SKIL: variants seen among roughly 807,000 people sequenced by gnomAD.
SKIL encodes the protein ski-like protein.
In SKIL, 20 loss-of-function variants were observed where a neutral mutation model predicts 69.6. The ratio of observed to expected loss-of-function variants is 0.29; its 90% CI spans 0.20 to 0.42. SKIL has a LOEUF of 0.42. Ranked by LOEUF, SKIL falls within the 10% of genes least tolerant of loss-of-function variation. The pLI, the probability that SKIL is intolerant of heterozygous loss-of-function variation, is 1.00. For missense variants in SKIL, 745 were observed against 783.1 expected (o/e 0.95, Z 0.58); for synonymous variants, 310 against 279.9 (o/e 1.11, Z -1.08).
At chr3:170,384,511 T>G (rs1315711611) in intron 3 of SKIL, 22 bp from the exon 4 acceptor site, 3 of 1,124,986 alleles carry the variant, frequency 2.7e-6, no homozygotes, top group Non-Finnish European at 4.0e-6. Context: ...ATATGTCTTG[T>G]TTTGCTTTTA....
rs771731578 is a variant in SKIL at position 170,384,586 on chromosome 3, C to T, written c.1250C>T (p.Ser417Phe). ...KVVAPNVSLT[S>F]AVSQSKELTK... Reference sequence around the variant, plus strand: ...GTTGCCCCAAATGTGTCACTTACTTCTGCTGTATCCCAGTCTAAAGAGCTC... The same window carrying T: ...GTTGCCCCAAATGTGTCACTTACTTTTGCTGTATCCCAGTCTAAAGAGCTC... Residue 417 changes from serine to phenylalanine, a missense_variant, in exon 4 of 7, where the codon TCT (serine) becomes TTT (phenylalanine). Coordinates refer to ENST00000259119, the MANE Select transcript of SKIL (RefSeq NM_005414.5). The T allele has an allele frequency of 1.2e-6, 2 of 1,612,640 alleles. No individual in the cohort carries two copies. Among genetic ancestry groups the T allele is most frequent in the Admixed American group, 1.7e-5 (1 of 59,850 alleles).
intron 4 of SKIL, among the ~76,000 whole-genome samples, chr3:170,385,907 C>G (rs1298186107): frequency 6.6e-6 from 1 of 151,756 alleles, no homozygotes; most frequent in East Asian, 1.9e-4. Flanking sequence ...ATTCTCCTGC[C>G]TCAGCCTCCT....
At chr3:170,362,968 A>T (rs949385565) in intron 2 of SKIL, among the ~76,000 whole-genome samples, 6 of 151,404 alleles carry the variant, frequency 4.0e-5, no homozygotes, top group Non-Finnish European at 8.8e-5. Flanking sequence ...TAGTTTCTTG[A>T]TCGGGTTGTT....
At chr3:170,381,102 C>A in intron 2 of SKIL, 142 bp from the exon 3 acceptor site, 1 of 531,982 alleles carries the variant, frequency 1.9e-6, no homozygotes, top group Non-Finnish European at 3.5e-6. Flanking sequence ...GCTGGGAATA[C>A]AGGTGTGAAC....
intron 2 of SKIL, among the ~76,000 whole-genome samples, chr3:170,366,055 CTT>C (rs753671366): frequency 1.5e-4 from 19 of 128,254 alleles, no homozygotes; most frequent in African/African-American, 1.7e-4. Flanking sequence ...TGCGCCTGGC[CTT>C]TTTTTTTTTT....
intron 2 of SKIL, among the ~76,000 whole-genome samples, chr3:170,377,493 T>C (rs11923053): frequency 0.84 from 118,587 of 141,344 alleles, 50,014 homozygotes; most frequent in East Asian, 0.94. Context: ...AATTTTTTTC[T>C]TATAATTTTG....
Position 170,390,225 on chromosome 3 carries a change from G to A in SKIL, c.1432G>A (p.Ala478Thr), listed in dbSNP as rs1737842983. ...TSRELCSRLDASISNNSTSKR... is the reference protein window; with the variant it reads ...TSRELCSRLDTSISNNSTSKR... ...TACTTGATTTTTTTCTCTCCAAGAT[G>A]CATCAATCTCAAATAATTCTACAAG... Residue 478 changes from alanine (A) to threonine (T), a missense_variant and splice_region_variant, in exon 5 of 7, where the codon GCA (alanine) becomes ACA (threonine). Coordinates refer to ENST00000259119, the MANE Select transcript of SKIL (RefSeq NM_005414.5). The A allele has an allele frequency of 6.2e-7, 1 of 1,606,674 alleles. No individual in the cohort carries two copies. Among genetic ancestry groups the A allele is most frequent in the African/African-American group, 1.3e-5 (1 of 74,718 alleles).
rs903106796 is a variant in SKIL at position 170,393,540 on chromosome 3, A to G, written c.*1123A>G. 1.3e-5 allele frequency: 2 copies of G among 152,206 alleles called. No individual in the cohort carries two copies. Among genetic ancestry groups the G allele is most frequent in the Non-Finnish European group, 2.9e-5 (2 of 68,022 alleles). 9.4% of individuals were successfully genotyped at this position (152,206 alleles called of 1,614,324 possible). ...TTTTTAGATAAGTTTTAGAAGATAA[A>G]GGAATTCCATAGTTTCAGGAGGGAC... On this transcript the variant is annotated 3_prime_UTR_variant, in exon 7 of 7. Coordinates refer to ENST00000259119, the MANE Select transcript of SKIL (RefSeq NM_005414.5).
chr3:170,360,141 A>G lies in SKIL; in HGVS notation c.-191A>G. On this transcript the variant is annotated 5_prime_UTR_variant, in exon 2 of 7. Transcript: ENST00000259119. ...GAACAATTTTATAGGATTTGTAGTG[A>G]AATTATACCAGATTATAAGGAGAAC... The G allele has an allele frequency of 2.0e-6, 1 of 504,082 alleles. No individual in the cohort carries two copies. The highest frequency in any genetic ancestry group is 3.5e-6 in the Non-Finnish European group (1 of 287,606). The allele number at this position is 504,082 out of a possible 1,614,324, so 31.2% of individuals were successfully genotyped here. A position where few individuals can be genotyped will look rare whatever the true frequency, so the allele number is the denominator to read the frequency against.
chr3:170,360,868 A>G lies in SKIL; in HGVS notation c.537A>G (p.Thr179=). 6.2e-7 allele frequency: 1 copy of G among 1,614,142 alleles called. No individual in the cohort carries two copies. The highest frequency in any genetic ancestry group is 1.1e-5 in the South Asian group (1 of 91,082). Residue 179 remains threonine, a synonymous_variant, in exon 2 of 7, where the codon ACA becomes ACG. Transcript: ENST00000259119. The stretch of plus-strand genomic sequence containing the variant: ...TAAATTCTGTTCTCCGAGAATTTAC[A>G]CTCCAGCAAATAAATACAGTGTGTG... ...QVLNSVLREF[T]LQQINTVCDE... is the part of the protein sequence containing the mutation.
chr3:170,359,464 G>A (rs1736106533), intron 1 of SKIL, among the ~76,000 whole-genome samples: 1 of 152,058 alleles, frequency 6.6e-6, no homozygotes, highest in South Asian at 2.1e-4. Context: ...CGGGTGTCGT[G>A]GCTTGTGCCT....
At chr3:170,381,874 GA>G (rs1268386204) in intron 3 of SKIL, among the ~76,000 whole-genome samples, 3 of 151,974 alleles carry the variant, frequency 2.0e-5, no homozygotes, top group African/African-American at 7.2e-5. Context: ...GAGGTCAGGA[GA>G]TCGAGACCAT....
Position 170,392,283 on chromosome 3 carries a change from G to C in SKIL, c.1921G>C (p.Asp641His), listed in dbSNP as rs1332648709. 6.2e-7 allele frequency: 1 copy of C among 1,611,660 alleles called. No individual in the cohort carries two copies. Among genetic ancestry groups the C allele is most frequent in the African/African-American group, 1.3e-5 (1 of 74,952 alleles). The change falls in exon 7 of 7, where the codon GAC becomes CAC. Residue 641 changes from aspartate to histidine, a missense_variant. Transcript: ENST00000259119. Reference sequence around the variant, plus strand: ...GTTGGCAGAACTGAGGCAGAGATTGGACCATGCTGAGGCCGATAGGCAAGA... The same window carrying C: ...GTTGGCAGAACTGAGGCAGAGATTGCACCATGCTGAGGCCGATAGGCAAGA... Reference protein sequence around the residue: ...GQLAELRQRLDHAEADRQELQ... With the variant: ...GQLAELRQRLHHAEADRQELQ...
chr3:170,383,447 A>C (rs1737462199), intron 3 of SKIL, among the ~76,000 whole-genome samples: 1 of 152,212 alleles, frequency 6.6e-6, no homozygotes, highest in Non-Finnish European at 1.5e-5. Flanking sequence ...AAATGGTTAC[A>C]TCTTTTTGCT....
chr3:170,378,414 A>G (rs1737144081), intron 2 of SKIL, among the ~76,000 whole-genome samples: 1 of 152,094 alleles, frequency 6.6e-6, no homozygotes, highest in South Asian at 2.1e-4. Context: ...TTTTGTTTTA[A>G]TCACTACTGC....
intron 5 of SKIL, 126 bp from the exon 6 acceptor site, chr3:170,390,910 A>G (rs1198718280): frequency 1.9e-6 from 1 of 516,212 alleles, no homozygotes; most frequent in Non-Finnish European, 3.5e-6. Context: ...TAAAATAATT[A>G]CCTCTATATA....
rs759120233 is a variant in SKIL, at chr3:170,360,926, T to G, written c.595T>G (p.Ser199Ala). 2 of 1,614,228 alleles carry G rather than the reference T, an allele frequency of 1.2e-6. No homozygotes were observed. Among genetic ancestry groups the G allele is most frequent in the South Asian group, 1.1e-5 (1 of 91,092 alleles). ...GTACATATATTGTTCAAGGTGTACT[T>G]CAGACCAGCTTCATATCTTAAAGGT... is the stretch of plus-strand genomic sequence containing the variant. ...ELYIYCSRCT[S>A]DQLHILKVLG... is the part of the protein sequence containing the mutation. The change falls in exon 2 of 7, where the codon TCA (serine) becomes GCA (alanine). Residue 199 changes from serine (S) to alanine (A), a missense_variant. Ser to Ala is a moderately conservative substitution (Grantham distance 99, BLOSUM62 1). Transcript: ENST00000259119.
At chr3:170,370,570 A>G (rs1417137575) in intron 2 of SKIL, among the ~76,000 whole-genome samples, 2 of 151,514 alleles carry the variant, frequency 1.3e-5, no homozygotes, top group Admixed American at 1.3e-4. Context: ...AAGTGGCCCT[A>G]TAAAGTTACC....
At chr3:170,385,886 C>T (rs1242087278) in intron 4 of SKIL, among the ~76,000 whole-genome samples, 7 of 151,516 alleles carry the variant, frequency 4.6e-5, no homozygotes, top group African/African-American at 1.7e-4. Context: ...ACCGCAACCT[C>T]CACCTCCCAG....
Sources: gnomAD v4.1 joint callset for allele counts (sites outside exome capture counted in the v4.1 genomes callset) on GRCh38, gnomAD v4.1.1 for gene constraint, MANE v1.5 for transcripts, NCBI Gene and HGNC (gene_info 2026-07-23, HGNC 2026-07-21) for gene names.